Variants in SHC4 observed in about 807,000 individuals in gnomAD.
SHC4 encodes the protein SHC adaptor protein 4.
Under a neutral mutation model 69.4 loss-of-function variants are expected in SHC4, and 41 were observed. That is an observed-to-expected ratio of 0.59 (90% CI 0.46 to 0.77). The LOEUF is 0.77. Among genes scored for constraint, SHC4 ranks in the 30% least tolerant of loss-of-function variants. The probability of loss-of-function intolerance (pLI) is 0.00; values close to 1 mark genes in which losing one functional copy is unlikely to be tolerated. For synonymous variants in SHC4, 318 were observed against 299.3 expected, an observed-to-expected ratio of 1.06 and a Z score of -0.64; for missense variants, 777 against 783.8, an observed-to-expected ratio of 0.99 and a Z score of 0.10.
At chr15:48,861,324 T>C (rs981114171) in intron 6 of SHC4, among the ~76,000 whole-genome samples, 10 of 152,216 alleles carry the variant, frequency 6.6e-5, no homozygotes, top group African/African-American at 1.9e-4. Context: ...CCAGGCAAGA[T>C]GCAACAGCAG....
At chr15:48,959,773 C>A (rs1901511117) in intron 1 of SHC4, among the ~76,000 whole-genome samples, 2 of 152,216 alleles carry the variant, frequency 1.3e-5, no homozygotes, top group African/African-American at 4.8e-5. Context: ...CTTAGCATTT[C>A]ATTTTTCAAA....
chr15:48,843,386 A>G, intron 10 of SHC4, 23 bp downstream of exon 10: 1 of 1,584,328 alleles, frequency 6.3e-7, no homozygotes. Context: ...AGAAATGAAT[A>G]CAGACAGTGA....
intron 11 of SHC4, among the ~76,000 whole-genome samples, chr15:48,832,572 A>T (rs12903856): frequency 1.3e-5 from 2 of 151,980 alleles, no homozygotes; most frequent in Non-Finnish European, 2.9e-5. Context: ...CATTCTCATC[A>T]CTTACTTGGG....
intron 11 of SHC4, among the ~76,000 whole-genome samples, chr15:48,833,647 A>G (rs1399493243): frequency 6.6e-6 from 1 of 152,170 alleles, no homozygotes; most frequent in Non-Finnish European, 1.5e-5. Flanking sequence ...TGGCAGTACC[A>G]TGAGCACTCC....
intron 11 of SHC4, among the ~76,000 whole-genome samples, chr15:48,828,805 G>A (rs1898741965): frequency 6.6e-6 from 1 of 152,106 alleles, no homozygotes; most frequent in African/African-American, 2.4e-5. Flanking sequence ...TCATTTTTTG[G>A]TCTTTTTGGA....
intron 4 of SHC4, 71 bp from the exon 5 acceptor site, chr15:48,872,213 TAGAC>T: frequency 1.1e-6 from 1 of 920,226 alleles, no homozygotes; most frequent in Non-Finnish European, 1.6e-6. Flanking sequence ...CTAACAGTAA[TAGAC>T]ATACATTTGT....
chr15:48,850,917 G>C (rs759414651), intron 9 of SHC4, among the ~76,000 whole-genome samples: 2 of 152,204 alleles, frequency 1.3e-5, no homozygotes, highest in South Asian at 2.1e-4. Flanking sequence ...TCCAGAGAGA[G>C]AGCTTTCATG....
intron 2 of SHC4, among the ~76,000 whole-genome samples, chr15:48,901,923 C>T (rs1252683504): frequency 1.3e-5 from 2 of 151,896 alleles, no homozygotes; most frequent in African/African-American, 4.8e-5. Context: ...GGGTCTAGGC[C>T]GGGTGCAGTG....
Position 48,834,809 on chromosome 15 carries a change from C to T in SHC4, c.1697G>A (p.Gly566Asp). ...CACCAGGAGAAGATGTTTTGCTTGG[C>T]CTCCCTGTAGTCCACTCAGCACATA... ...GQYVLSGLQG[G>D]QAKHLLLVDP... Residue 566 changes from glycine to aspartate, a missense_variant, in exon 11 of 12, where the codon GGC (glycine) becomes GAC (aspartate). Coordinates refer to ENST00000332408, the MANE Select transcript of SHC4 (RefSeq NM_203349.4). 6.2e-7 allele frequency: 1 copy of T among 1,614,146 alleles called. No homozygotes were observed. The highest frequency in any genetic ancestry group is 8.5e-7 in the Non-Finnish European group (1 of 1,180,014).
At chr15:48,856,940 C>T (rs1899330450) in intron 7 of SHC4, among the ~76,000 whole-genome samples, 2 of 152,102 alleles carry the variant, frequency 1.3e-5, no homozygotes, top group South Asian at 4.1e-4. Flanking sequence ...CTGGTAACAC[C>T]CTCTCCTTTG....
chr15:48,962,544 G>C lies in SHC4; in HGVS notation c.472C>G (p.Leu158Val). 6.2e-7 allele frequency: 1 copy of C among 1,606,824 alleles called. No individual in the cohort carries two copies. Among genetic ancestry groups the C allele is most frequent in the Non-Finnish European group, 8.5e-7 (1 of 1,175,872 alleles). Residue 158 changes from leucine to valine, a missense_variant, in exon 1 of 12, where the codon CTA becomes GTA. Coordinates refer to ENST00000332408, the MANE Select transcript of SHC4 (RefSeq NM_203349.4). ...GGAAGCGGGCACGAATCAGGGGTTA[G>C]GGCGGTTGCCCTGTGTCCCACCAGG... ...QDLVGHRATA[L>V]TPDSCPLPGP...
chr15:48,928,543 A>G (rs1900897387), intron 1 of SHC4, among the ~76,000 whole-genome samples: 1 of 152,208 alleles, frequency 6.6e-6, no homozygotes, highest in African/African-American at 2.4e-5. Context: ...AGTGAAGGCT[A>G]TTCTCAGCCC....
intron 1 of SHC4, among the ~76,000 whole-genome samples, chr15:48,934,660 G>A (rs1901034700): frequency 6.6e-6 from 1 of 152,084 alleles, no homozygotes; most frequent in Admixed American, 6.6e-5. Flanking sequence ...GTTCATAGCA[G>A]CATTATTTAT....
chr15:48,875,751 G>A (rs1899786182), intron 4 of SHC4, among the ~76,000 whole-genome samples: 1 of 152,202 alleles, frequency 6.6e-6, no homozygotes, highest in Admixed American at 6.5e-5. Flanking sequence ...TGGAGCAGCT[G>A]CCATGACTGG....
chr15:48,910,201 T>C (rs1468659995), intron 2 of SHC4, among the ~76,000 whole-genome samples: 2 of 152,084 alleles, frequency 1.3e-5, no homozygotes, highest in Non-Finnish European at 2.9e-5. Context: ...TTTTTTTTTG[T>C]TGTTGGTAAT....
chr15:48,900,011 G>C (rs1471523863), intron 2 of SHC4, among the ~76,000 whole-genome samples: 1 of 152,208 alleles, frequency 6.6e-6, no homozygotes, highest in Admixed American at 6.5e-5. Flanking sequence ...GCTTAGACCA[G>C]ATGGTTGTGT....
chr15:48,950,517 TC>T lies in SHC4; in HGVS notation c.585+11913del, dbSNP rs1304415703. Reference sequence around the variant, plus strand: ...AAATGAAAGCTATAGTAGCAGAGTTTCCCAACCTGTGTTTCACAGAATATTA... The same window carrying T: ...AAATGAAAGCTATAGTAGCAGAGTTTCCAACCTGTGTTTCACAGAATATTA... On this transcript the variant is annotated intron_variant, in intron 1 of 11. Coordinates refer to ENST00000332408, the MANE Select transcript of SHC4 (RefSeq NM_203349.4). Among the ~76,000 whole-genome samples, 11 of 152,288 alleles carry T rather than the reference TC, an allele frequency of 7.2e-5. 1 individual carries two copies. The Middle Eastern group carries it at 0.017, about 235-fold the overall frequency.
chr15:48,899,793 A>G (rs1336211393), intron 2 of SHC4, among the ~76,000 whole-genome samples: 1 of 152,196 alleles, frequency 6.6e-6, no homozygotes, highest in Non-Finnish European at 1.5e-5. Context: ...AGTGGTGATC[A>G]AACTGTAAAG....
At chr15:48,948,408 A>G (rs1369015237) in intron 1 of SHC4, among the ~76,000 whole-genome samples, 2 of 152,262 alleles carry the variant, frequency 1.3e-5, no homozygotes, top group African/African-American at 2.4e-5. Flanking sequence ...CTTCAATACC[A>G]TAAAACTCTG....
Sources: gnomAD v4.1 joint callset for allele counts (sites outside exome capture counted in the v4.1 genomes callset) on GRCh38, gnomAD v4.1.1 for gene constraint, MANE v1.5 for transcripts, NCBI Gene and HGNC (gene_info 2026-07-23, HGNC 2026-07-21) for gene names.